GUCY2D: variants seen among roughly 807,000 people sequenced by gnomAD.
The protein encoded by GUCY2D is guanylate cyclase 2D, retinal.
GUCY2D carries 70 observed loss-of-function variants against 101.3 expected under a neutral mutation model. The ratio of observed to expected loss-of-function variants is 0.69; its 90% CI spans 0.57 to 0.84. The LOEUF (loss-of-function observed/expected upper bound fraction) is 0.84. Among genes scored for constraint, GUCY2D ranks in the 40% least tolerant of loss-of-function variants. GUCY2D has a pLI of 0.00. For synonymous variants in GUCY2D, 688 were observed against 670.7 expected (o/e 1.03, Z -0.40); for missense variants, 1,460 against 1,542.5 (o/e 0.95, Z 0.90).
intron 3 of GUCY2D, 143 bp downstream of exon 3, chr17:8,004,299 G>A: frequency 1.3e-6 from 1 of 768,270 alleles, no homozygotes; most frequent in Non-Finnish European, 2.0e-6. Flanking sequence ...AGAGGCTCTG[G>A]CCCCACTTGG....
chr17:8,003,815 A>C (rs1400528761), intron 2 of GUCY2D, 37 bp from the exon 3 acceptor site: 1 of 1,604,036 alleles, frequency 6.2e-7, no homozygotes, highest in African/African-American at 1.3e-5. Context: ...TCCTGCCGGC[A>C]GCCGGACGGC....
Position 8,016,470 on chromosome 17 carries a change from G to A in GUCY2D, c.3252G>A (p.Gln1084=). 1.3e-6 allele frequency: 2 copies of A among 1,578,084 alleles called. No homozygotes were observed. The highest frequency in any genetic ancestry group is 1.7e-4 in the Middle Eastern group (1 of 6,018). The change falls in exon 19 of 20, where the codon CAG becomes CAA. Residue 1084 remains glutamine (Q), a synonymous_variant. Coordinates refer to ENST00000254854, the MANE Select transcript of GUCY2D (RefSeq NM_000180.4). ...PGSSNHGISL[Q]EIPPERRRKL... is the part of the protein sequence containing the mutation. ...CCAGCAACCACGGCATCAGCCTGCA[G>A]GAGATCCCACCCGAGCGGCGACGGA...
In GUCY2D at chr17:8,016,436, C is replaced by T. The variant is rs79887212; in HGVS notation, c.3225-7C>T. 31,815 of 1,556,222 alleles carry T rather than the reference C, an allele frequency of 0.02. 446 individuals are homozygous for T. The highest frequency in any genetic ancestry group is 0.058 in the Middle Eastern group (348 of 5,972). ...CCTTCCCTGAGGCCACCGCCCCCTC[C>T]TTGCAGGTCCAGCAACCACGGCATC... is the stretch of plus-strand genomic sequence containing the variant. On this transcript the variant is annotated splice_polypyrimidine_tract_variant and splice_region_variant and intron_variant, in intron 18 of 19. Transcript: ENST00000254854.
In GUCY2D at chr17:8,003,889, C is replaced by CG; in HGVS notation, c.760dup (p.Glu254GlyfsTer65). On this transcript the variant is annotated frameshift_variant, in exon 3 of 20. Transcript: ENST00000254854. LOFTEE classifies it high-confidence loss of function. ...TGATGCACTCGGTGCTGCTGGGTGG[C>CG]GAGGAGCAGCGCTACCTCCTGGAGG... The CG allele has an allele frequency of 6.2e-7, 1 of 1,613,098 alleles. No individual in the cohort carries two copies. Among genetic ancestry groups the CG allele is most frequent in the South Asian group, 1.1e-5 (1 of 91,058 alleles).
chr17:8,009,944 C>G (rs1465565672), intron 8 of GUCY2D, among the ~76,000 whole-genome samples: 2 of 151,862 alleles, frequency 1.3e-5, no homozygotes, highest in Non-Finnish European at 2.9e-5. Context: ...TACTACTGCA[C>G]TCCAGCCTGG....
chr17:8,012,001 G>A (rs1029054844), intron 8 of GUCY2D, 143 bp from the exon 9 acceptor site: 57 of 689,406 alleles, frequency 8.3e-5, no homozygotes, highest in South Asian at 9.9e-5. Context: ...GAGAGCCCCC[G>A]TACATACCTT....
At chr17:8,006,209 GA>G (rs1258924015) in intron 3 of GUCY2D, among the ~76,000 whole-genome samples, 153 bp from the exon 4 acceptor site, 1 of 152,054 alleles carries the variant, frequency 6.6e-6, no homozygotes, top group Non-Finnish European at 1.5e-5. Flanking sequence ...AGCCAATGGG[GA>G]GGGAGGAAGA....
chr17:8,017,279 G>A (rs1449006162), intron 19 of GUCY2D, among the ~76,000 whole-genome samples: 1 of 152,146 alleles, frequency 6.6e-6, no homozygotes, highest in East Asian at 1.9e-4. Flanking sequence ...GTGGCTTGTG[G>A]CCCTCACCCC....
chr17:8,016,882 G>A (rs1490745049), intron 19 of GUCY2D: 7 of 253,038 alleles, frequency 2.8e-5, no homozygotes, highest in Non-Finnish European at 5.4e-5. Flanking sequence ...ACTCTAGGGG[G>A]CAGCAGTCAC....
In GUCY2D at chr17:8,013,293, C is replaced by A. The variant is rs1393916458; in HGVS notation, c.2263+41C>A. On this transcript the variant is annotated intron_variant, in intron 11 of 19. Coordinates refer to ENST00000254854, the MANE Select transcript of GUCY2D (RefSeq NM_000180.4). The surrounding 1 kb of genome is among the most constrained non-coding windows in gnomAD (Gnocchi z 5.0). ...GCGTGGAGTTCGGCCCACAGGGGCA[C>A]CCTGCAGTTAGAAAAGAGCCAGCCT... The A allele has an allele frequency of 1.2e-5, 19 of 1,602,700 alleles. No homozygotes were observed. The highest frequency in any genetic ancestry group is 1.6e-5 in the Non-Finnish European group (19 of 1,170,788).
intron 19 of GUCY2D, among the ~76,000 whole-genome samples, chr17:8,019,182 A>G (rs1976028301): frequency 6.6e-6 from 1 of 152,114 alleles, no homozygotes; most frequent in Non-Finnish European, 1.5e-5. Context: ...CTTGGACCTG[A>G]CTGTGTGGAT....
chr17:8,003,328 C>T lies in GUCY2D; in HGVS notation c.281C>T (p.Pro94Leu). 1 of 1,483,034 alleles carries T rather than the reference C, an allele frequency of 6.7e-7. No homozygotes were observed. 91.9% of individuals were successfully genotyped at this position (1,483,034 alleles called of 1,614,324 possible). A position where few individuals can be genotyped will look rare whatever the true frequency, so the allele number is the denominator to read the frequency against. Reference protein sequence around the residue: ...LNRDPGLAGGPRFEVALLPEP... With the variant: ...LNRDPGLAGGLRFEVALLPEP... The stretch of plus-strand genomic sequence containing the variant: ...CGCGACCCCGGCCTGGCAGGCGGTC[C>T]CCGCTTCGAGGTAGCGCTGCTGCCC... The change falls in exon 2 of 20, where the codon CCC becomes CTC. Residue 94 changes from proline to leucine, a missense_variant. Pro to Leu is a moderately conservative substitution (Grantham distance 98). Coordinates refer to ENST00000254854, the MANE Select transcript of GUCY2D (RefSeq NM_000180.4).
intron 7 of GUCY2D, among the ~76,000 whole-genome samples, chr17:8,008,536 T>C (rs1443935101): frequency 6.6e-6 from 1 of 152,112 alleles, no homozygotes; most frequent in Non-Finnish European, 1.5e-5. Flanking sequence ...GGGGAGATGA[T>C]GAGAACAGAT....
intron 7 of GUCY2D, 136 bp from the exon 8 acceptor site, chr17:8,009,368 TTG>T: frequency 1.3e-6 from 1 of 765,096 alleles, no homozygotes; most frequent in Non-Finnish European, 2.4e-6. Flanking sequence ...ATCAAACCCC[TTG>T]GTTCAATGCA....
chr17:8,006,802 T>C, intron 4 of GUCY2D, 88 bp downstream of exon 4: 1 of 1,202,046 alleles, frequency 8.3e-7, no homozygotes, highest in Non-Finnish European at 1.2e-6. Flanking sequence ...TATCCTGTAA[T>C]CCGTCTTCGA....
Position 8,016,195 on chromosome 17 carries a change from G to A in GUCY2D, c.3139-10G>A. The A allele has an allele frequency of 6.4e-7, 1 of 1,569,700 alleles. No homozygotes were observed. The highest frequency in any genetic ancestry group is 8.7e-7 in the Non-Finnish European group (1 of 1,153,000). On this transcript the variant is annotated splice_polypyrimidine_tract_variant and intron_variant, in intron 17 of 19. Coordinates refer to ENST00000254854, the MANE Select transcript of GUCY2D (RefSeq NM_000180.4). ...CCGCCTAAGTCCTTCCCTCTCCCAT[G>A]TCTCCCCAGGGCAAGGGCGCCGAGG...
Position 8,014,214 on chromosome 17 carries a change from G to A in GUCY2D, c.2412+186G>A. The A allele has an allele frequency of 1.5e-6, 1 of 657,928 alleles. No individual in the cohort carries two copies. The highest frequency in any genetic ancestry group is 1.7e-5 in the South Asian group (1 of 59,552). 40.8% of individuals were successfully genotyped at this position (657,928 alleles called of 1,614,324 possible). A position where few individuals can be genotyped will look rare whatever the true frequency, so the allele number is the denominator to read the frequency against. On this transcript the variant is annotated intron_variant, in intron 12 of 19. Coordinates refer to ENST00000254854, the MANE Select transcript of GUCY2D (RefSeq NM_000180.4). The surrounding 1 kb of genome is among the most constrained non-coding windows in gnomAD (Gnocchi z 4.0). ...TGGAATGGGGGCTGTGGAGGCTTTT[G>A]GAGTGGGAGATAGAGTTCTGTCTGG...
At position 8,013,918 on chromosome 17, in the gene GUCY2D, C is replaced by T. The variant is rs61750168; in HGVS notation, c.2302C>T (p.Arg768Trp). 440 of 1,612,990 alleles carry T rather than the reference C, an allele frequency of 2.7e-4. 1 individual carries two copies. The highest frequency in any genetic ancestry group is 3.6e-4 in the Non-Finnish European group (423 of 1,179,092). Residue 768 changes from arginine to tryptophan, a missense_variant, in exon 12 of 20, where the codon CGG becomes TGG. Physicochemically the swap from Arg to Trp is moderately radical, Grantham distance 101. This residue lies in a region of GUCY2D where 1,196 missense variants were observed against 1,229.6 expected (regional missense o/e 0.97). Transcript: ENST00000254854. The surrounding 1 kb of genome is among the most constrained non-coding windows in gnomAD (Gnocchi z 5.0). ...QRVRSPPPLC[R>W]PLVSMDQAPV... is the part of the protein sequence containing the mutation. ...GGTGCGGAGCCCCCCTCCACTGTGTCGGCCCTTGGTGTCCATGGACCAGGC... is the reference window on the plus strand; with the variant it reads ...GGTGCGGAGCCCCCCTCCACTGTGTTGGCCCTTGGTGTCCATGGACCAGGC...
chr17:8,014,101 G>A lies in GUCY2D; in HGVS notation c.2412+73G>A. The A allele has an allele frequency of 7.3e-7, 1 of 1,378,708 alleles. No individual in the cohort carries two copies. The highest frequency in any genetic ancestry group is 1.2e-5 in the South Asian group (1 of 86,804). 85.4% of individuals were successfully genotyped at this position (1,378,708 alleles called of 1,614,324 possible). On this transcript the variant is annotated intron_variant, in intron 12 of 19. Transcript: ENST00000254854. The surrounding 1 kb of genome is among the most constrained non-coding windows in gnomAD (Gnocchi z 4.0). ...AGATGCTTGTCAGCAACCTGAGACA[G>A]CTGCAGACAGGCAGGCTGGCAGGAC...
Sources: allele counts gnomAD v4.1 joint callset (sites outside exome capture counted in the v4.1 genomes callset), GRCh38; gene constraint gnomAD v4.1.1; regional missense constraint gnomAD v4.1.1; non-coding constraint Gnocchi (gnomAD v3.1); transcripts MANE v1.5; gene names NCBI Gene and HGNC (gene_info 2026-07-23, HGNC 2026-07-21).